CATSPERE: variants seen among roughly 807,000 people sequenced by gnomAD.
CATSPERE encodes the protein cation channel sperm-associated auxiliary subunit epsilon.
Under a neutral mutation model 114.1 loss-of-function variants are expected in CATSPERE, and 93 were observed. The observed-to-expected ratio is 0.81, with a 90% confidence interval of 0.69 to 0.97. The LOEUF is 0.97. Ranked by LOEUF, CATSPERE falls within the 50% of genes least tolerant of loss-of-function variation. The pLI is 0.00. For synonymous variants in CATSPERE, 341 were observed against 384.1 expected (o/e 0.89, Z 1.31); for missense variants, 1,058 against 1,131.6 (o/e 0.93, Z 0.93).
At chr1:244,536,080 G>A (rs762589081) in intron 8 of CATSPERE, among the ~76,000 whole-genome samples, 5 of 151,888 alleles carry the variant, frequency 3.3e-5, no homozygotes, top group Non-Finnish European at 7.4e-5. Context: ...TGGCATGGGG[G>A]CCTCAGGACT....
rs1038978275 is a variant in CATSPERE at position 244,583,847 on chromosome 1, C to T, written c.2010-17C>T. ...CTCTCACATGATACAATAACCTGTA[C>T]GAATTGTTTCTCCTAGAGACAAGCA... On this transcript the variant is annotated splice_polypyrimidine_tract_variant and intron_variant, in intron 12 of 21. Coordinates refer to ENST00000366534, the MANE Select transcript of CATSPERE (RefSeq NM_001130957.2). 9.3e-6 allele frequency: 15 copies of T among 1,609,420 alleles called. No homozygotes were observed. The highest frequency in any genetic ancestry group is 4.5e-5 in the East Asian group (2 of 44,828).
chr1:244,577,126 A>AT (rs1572842961), intron 11 of CATSPERE, among the ~76,000 whole-genome samples: 2 of 151,782 alleles, frequency 1.3e-5, no homozygotes, highest in Admixed American at 1.3e-4. Context: ...GAATTTTATA[A>AT]TTTTTTTCAG....
intron 6 of CATSPERE, among the ~76,000 whole-genome samples, chr1:244,491,312 A>C (rs549369064): frequency 5.5e-4 from 84 of 152,350 alleles, no homozygotes; most frequent in Non-Finnish European, 1.1e-3. Flanking sequence ...CGCTAACTAC[A>C]TGGAAACTGA....
intron 7 of CATSPERE, among the ~76,000 whole-genome samples, chr1:244,510,812 CT>C (rs112249943): frequency 0.21 from 17,887 of 83,912 alleles, 1,456 homozygotes; most frequent in South Asian, 0.27. Context: ...ACATTTCTTT[CT>C]TTTTTTTTTC....
At chr1:244,481,058 T>G (rs1421922922) in intron 5 of CATSPERE, among the ~76,000 whole-genome samples, 1 of 152,154 alleles carries the variant, frequency 6.6e-6, no homozygotes, top group Non-Finnish European at 1.5e-5. Flanking sequence ...GAGAATCACT[T>G]GACCCCAGAA....
Position 244,640,024 on chromosome 1 carries a change from T to C in CATSPERE, c.2799T>C (p.Tyr933=), listed in dbSNP as rs79338974. The change falls in exon 22 of 22, where the codon TAT becomes TAC. Residue 933 remains tyrosine, a synonymous_variant. Transcript: ENST00000366534. ...GCTACTTTCGGTACATGAGGATTTA[T>C]AGACGATATATTTATGAACCACTTC... is the stretch of plus-strand genomic sequence containing the variant. ...VLSYFRYMRI[Y]RRYIYEPLHK... 4.1e-4 allele frequency: 643 copies of C among 1,551,078 alleles called. 1 individual carries two copies. The African/African-American group carries it at 6.7e-3, about 16-fold the overall frequency.
At chr1:244,547,204 A>G (rs1659891374) in intron 8 of CATSPERE, among the ~76,000 whole-genome samples, 1 of 151,884 alleles carries the variant, frequency 6.6e-6, no homozygotes, top group South Asian at 2.1e-4. Flanking sequence ...GCTAAATAAA[A>G]AAAATGCCAA....
chr1:244,622,959 G>A (rs186473262), intron 20 of CATSPERE, among the ~76,000 whole-genome samples: 23 of 152,262 alleles, frequency 1.5e-4, no homozygotes, highest in Middle Eastern at 3.4e-3. Context: ...TAGGTAGCCA[G>A]TAATTATGAT....
intron 9 of CATSPERE, among the ~76,000 whole-genome samples, chr1:244,556,218 AT>A (rs1375955321): frequency 6.6e-6 from 1 of 152,096 alleles, no homozygotes; most frequent in Non-Finnish European, 1.5e-5. Context: ...ATATATATAA[AT>A]TTAAGTGGAT....
rs1179306708 is a variant in CATSPERE at position 244,553,580 on chromosome 1, C to CA, written c.1029+787dup. 5.7e-3 allele frequency among the ~76,000 whole-genome samples: 153 copies of CA among 26,968 alleles called. 1 individual carries two copies. The highest frequency in any genetic ancestry group is 0.027 in the East Asian group (21 of 774). The allele number at this position is 26,968 out of a possible 152,430, so 17.7% of individuals were successfully genotyped here. On this transcript the variant is annotated intron_variant, in intron 9 of 21. Coordinates refer to ENST00000366534, the MANE Select transcript of CATSPERE (RefSeq NM_001130957.2). ...TGGGCGACAGAGCGAGACCCCGTCT[C>CA]AAAAAAAAAAAAAAAAAAAAATACA...
chr1:244,621,195 T>TTATATAAATATATC (rs1558610298), intron 20 of CATSPERE, among the ~76,000 whole-genome samples: 7 of 12,032 alleles, frequency 5.8e-4, no homozygotes, highest in Non-Finnish European at 9.1e-4. Flanking sequence ...ATAGATATAT[T>TTATATAAATATATC]TATATAGATA....
At chr1:244,475,537 ATTT>A (rs35023936) in intron 2 of CATSPERE, among the ~76,000 whole-genome samples, 3 of 117,138 alleles carry the variant, frequency 2.6e-5, no homozygotes, top group Admixed American at 8.9e-5. Flanking sequence ...CCTGGCCACA[ATTT>A]TTTTTTTTTT....
rs908289108 is a variant in CATSPERE at position 244,470,779 on chromosome 1, G to A, written c.115-6762G>A. Among the ~76,000 whole-genome samples, 9 of 152,152 alleles carry A rather than the reference G, an allele frequency of 5.9e-5. 1 individual carries two copies. Among genetic ancestry groups the A allele is most frequent in the African/African-American group, 2.2e-4 (9 of 41,416 alleles). ...AACAATGCAAATGTTCATCAACTAA[G>A]GAAAGGATAAATAAAATGTAGTATG... is the stretch of plus-strand genomic sequence containing the variant. On this transcript the variant is annotated intron_variant, in intron 2 of 21. Coordinates refer to ENST00000366534, the MANE Select transcript of CATSPERE (RefSeq NM_001130957.2).
At chr1:244,465,582 G>A (rs1030779286) in intron 2 of CATSPERE, among the ~76,000 whole-genome samples, 2 of 152,106 alleles carry the variant, frequency 1.3e-5, no homozygotes, top group African/African-American at 4.8e-5. Context: ...TGAGTTGTTT[G>A]TGAACTTTCT....
intron 9 of CATSPERE, among the ~76,000 whole-genome samples, chr1:244,553,575 C>T (rs1406876122): frequency 1.8e-5 from 2 of 110,916 alleles, no homozygotes; most frequent in African/African-American, 4.1e-5. Context: ...AGCGAGACCC[C>T]GTCTCAAAAA....
At position 244,621,213 on chromosome 1, in the gene CATSPERE, A is replaced by ATAAATATATC. The variant is rs1243986263; in HGVS notation, c.2648+3529_2648+3530insAATATATCTA. On this transcript the variant is annotated intron_variant, in intron 20 of 21. Coordinates refer to ENST00000366534, the MANE Select transcript of CATSPERE (RefSeq NM_001130957.2). ...GATATATTTATATAGATATATTTAT[A>ATAAATATATC]TATATATTTATATAAATATATTTAT... Among the ~76,000 whole-genome samples the ATAAATATATC allele has an allele frequency of 8.9e-3, 60 of 6,708 alleles. 2 individuals are homozygous for ATAAATATATC. Among genetic ancestry groups the ATAAATATATC allele is most frequent in the East Asian group, 0.015 (2 of 132 alleles). The allele number at this position is 6,708 out of a possible 152,430, so 4.4% of individuals were successfully genotyped here.
intron 11 of CATSPERE, among the ~76,000 whole-genome samples, chr1:244,578,035 G>T (rs556917859): frequency 2.0e-5 from 3 of 152,232 alleles, no homozygotes; most frequent in Admixed American, 2.0e-4. Flanking sequence ...TTTAACTCTT[G>T]GTTTTCTTTC....
chr1:244,496,968 C>T (rs146004890), intron 6 of CATSPERE, among the ~76,000 whole-genome samples: 107 of 152,232 alleles, frequency 7.0e-4, no homozygotes, highest in African/African-American at 2.5e-3. Flanking sequence ...TCTCAAATCC[C>T]TGGGGAGAAG....
In CATSPERE at chr1:244,621,076, TA is replaced by T. The variant is rs1267873928; in HGVS notation, c.2648+3391del. ...AATATATATAAATATATATAAAATA[TA>T]TATATAAATATATATAAAATATATA... On this transcript the variant is annotated intron_variant, in intron 20 of 21. Coordinates refer to ENST00000366534, the MANE Select transcript of CATSPERE (RefSeq NM_001130957.2). Among the ~76,000 whole-genome samples, 9 of 69,626 alleles carry T rather than the reference TA, an allele frequency of 1.3e-4. No homozygotes were observed. In the South Asian group the frequency reaches 2.0e-3, roughly 15 times the overall value. The allele number at this position is 69,626 out of a possible 152,430, so 45.7% of individuals were successfully genotyped here. A position where few individuals can be genotyped will look rare whatever the true frequency, so the allele number is the denominator to read the frequency against.
Sources: allele counts gnomAD v4.1 joint callset (sites outside exome capture counted in the v4.1 genomes callset), GRCh38; gene constraint gnomAD v4.1.1; transcripts MANE v1.5; gene names NCBI Gene and HGNC (gene_info 2026-07-23, HGNC 2026-07-21).